Variants in VGLL1 observed in about 807,000 individuals in gnomAD.
VGLL1 encodes vestigial like family member 1.
In VGLL1, 4 loss-of-function variants were observed where a neutral mutation model predicts 12.0. The ratio of observed to expected loss-of-function variants is 0.33; its 90% CI spans 0.16 to 0.76. VGLL1 has a LOEUF of 0.76. Ranked by LOEUF, VGLL1 falls within the 30% of genes least tolerant of loss-of-function variation. The pLI is 0.60. For synonymous variants in VGLL1, 87 were observed against 81.2 expected (o/e 1.07, Z -0.39); for missense variants, 204 against 208.7 (o/e 0.98, Z 0.14).
chrX:136,551,684 T>A (rs1445019595), intron 4 of VGLL1, among the ~76,000 whole-genome samples: 1 of 111,821 alleles, frequency 8.9e-6, no homozygotes, highest in Non-Finnish European at 1.9e-5. Context: ...CTTAGAATAA[T>A]GGCTGGCACA....
intron 2 of VGLL1, among the ~76,000 whole-genome samples, chrX:136,539,862 C>A (rs1014282989): frequency 9.0e-6 from 1 of 111,633 alleles, no homozygotes; most frequent in African/African-American, 3.3e-5. Flanking sequence ...CTTAATTTCC[C>A]CCTCAACCTG....
intron 4 of VGLL1, among the ~76,000 whole-genome samples, chrX:136,554,571 A>G (rs1417529857): frequency 1.8e-5 from 2 of 111,662 alleles, no homozygotes; most frequent in Non-Finnish European, 3.8e-5. Context: ...CTTGCATCTG[A>G]TAAGATCACA....
At chrX:136,540,155 A>G (rs898604087) in intron 2 of VGLL1, among the ~76,000 whole-genome samples, 3 of 111,804 alleles carry the variant, frequency 2.7e-5, no homozygotes, top group Non-Finnish European at 1.9e-5. Context: ...TTAGGAGGGC[A>G]GTCAGAATGG....
chrX:136,548,705 G>C lies in VGLL1; in HGVS notation c.331G>C (p.Ala111Pro). 3 of 1,212,056 alleles carry C rather than the reference G, an allele frequency of 2.5e-6. No individual in the cohort carries two copies. The highest frequency in any genetic ancestry group is 2.2e-6 in the Non-Finnish European group (2 of 895,622). ...CAACTTGCATGTGCCTGGTCCCATG[G>C]CTGTGAATCAGTTCTCACCGTCCCT... The part of the protein sequence containing the change: ...NCNLHVPGPM[A>P]VNQFSPSLAR... The change falls in exon 3 of 5, where the codon GCT becomes CCT. Residue 111 changes from alanine (A) to proline (P), a missense_variant. By Grantham distance (27) the Ala-to-Pro change is conservative (BLOSUM62 -1). Transcript: ENST00000370634.
chrX:136,539,651 G>T (rs2075850341), intron 2 of VGLL1, among the ~76,000 whole-genome samples: 1 of 111,107 alleles, frequency 9.0e-6, no homozygotes, highest in Admixed American at 9.6e-5. Context: ...CAGGGCCCCA[G>T]TACTCAGGTC....
chrX:136,550,886 G>A lies in VGLL1; in HGVS notation c.688+65G>A, dbSNP rs73558572. On this transcript the variant is annotated intron_variant, in intron 4 of 4. Transcript: ENST00000370634. ...TCCTGAGAACGAACTTGAGAAATAA[G>A]GCTTCTGTCTACTACTGGAGACACT... 5.9e-3 allele frequency: 6,089 copies of A among 1,033,610 alleles called. 181 individuals are homozygous for A. In the African/African-American group the frequency reaches 0.094, roughly 16 times the overall value. 85.2% of individuals were successfully genotyped at this position (1,033,610 alleles called of 1,213,427 possible).
intron 2 of VGLL1, among the ~76,000 whole-genome samples, chrX:136,543,615 A>G (rs1295219375): frequency 1.8e-5 from 2 of 110,696 alleles, no homozygotes; most frequent in Non-Finnish European, 3.8e-5. Flanking sequence ...AAAATTGTCC[A>G]GGTGTGGTGG....
intron 4 of VGLL1, among the ~76,000 whole-genome samples, chrX:136,554,163 A>G (rs1298367992): frequency 9.0e-6 from 1 of 111,596 alleles, no homozygotes. Context: ...GCAAGTTATG[A>G]TAAGTGGAGT....
chrX:136,541,609 T>C lies in VGLL1; in HGVS notation c.214+5375T>C, dbSNP rs893216574. Among the ~76,000 whole-genome samples the C allele has an allele frequency of 6.3e-5, 7 of 111,999 alleles. No homozygotes were observed. In the East Asian group the frequency reaches 2.0e-3, roughly 32 times the overall value. On this transcript the variant is annotated intron_variant, in intron 2 of 4. Coordinates refer to ENST00000370634, the MANE Select transcript of VGLL1 (RefSeq NM_016267.4). Reference sequence around the variant, plus strand: ...GGGAAATCTTTCAAGTGGCCTTTCATTACTGACTGTTAGTATCCTCTCAAA... The same window carrying C: ...GGGAAATCTTTCAAGTGGCCTTTCACTACTGACTGTTAGTATCCTCTCAAA...
chrX:136,553,002 T>C (rs1448425878), intron 4 of VGLL1, among the ~76,000 whole-genome samples: 2 of 111,755 alleles, frequency 1.8e-5, no homozygotes, highest in Non-Finnish European at 3.8e-5. Context: ...TGTTCTTTCC[T>C]TGCAGAGAGT....
At chrX:136,536,278 C>T in intron 2 of VGLL1, 44 bp downstream of exon 2, 1 of 1,144,390 alleles carries the variant, frequency 8.7e-7, no homozygotes, top group African/African-American at 1.8e-5. Flanking sequence ...CCTATCAAGG[C>T]TGCCACGGAT....
rs767068356 is a variant in VGLL1 at position 136,548,855 on chromosome X, C to T, written c.481C>T (p.Pro161Ser). The T allele has an allele frequency of 3.3e-6, 4 of 1,210,611 alleles. No individual in the cohort carries two copies. The highest frequency in any genetic ancestry group is 4.5e-6 in the Non-Finnish European group (4 of 895,407). ...PARHLVPEPQ[P>S]DGKREPLLSL... Reference sequence around the variant, plus strand: ...TCGGCACCTGGTTCCAGAGCCCCAGCCTGATGGGAAACGTGAGCCTCTCCT... The same window carrying T: ...TCGGCACCTGGTTCCAGAGCCCCAGTCTGATGGGAAACGTGAGCCTCTCCT... Residue 161 changes from proline to serine, a missense_variant, in exon 3 of 5, where the codon CCT (proline) becomes TCT (serine). Transcript: ENST00000370634.
chrX:136,549,712 A>G (rs957507567), intron 3 of VGLL1, among the ~76,000 whole-genome samples: 1 of 111,539 alleles, frequency 9.0e-6, no homozygotes, highest in Non-Finnish European at 1.9e-5. Context: ...ACCAGATGCA[A>G]AATATCCATC....
chrX:136,556,541 C>T lies in VGLL1; in HGVS notation c.*2C>T. On this transcript the variant is annotated 3_prime_UTR_variant, in exon 5 of 5. Coordinates refer to ENST00000370634, the MANE Select transcript of VGLL1 (RefSeq NM_016267.4). ...CATCGATACCTGCAGCATCTTTAGT[C>T]AAGTTGGAGGAGAAAGACAACACTT... 1 of 1,204,914 alleles carries T rather than the reference C, an allele frequency of 8.3e-7. No homozygotes were observed. The highest frequency in any genetic ancestry group is 1.1e-6 in the Non-Finnish European group (1 of 889,547).
At chrX:136,555,218 A>G (rs1250242534) in intron 4 of VGLL1, among the ~76,000 whole-genome samples, 2 of 112,210 alleles carry the variant, frequency 1.8e-5, no homozygotes, top group Admixed American at 1.9e-4. Flanking sequence ...AAATAAGAGA[A>G]GGTCAAATAA....
intron 2 of VGLL1, among the ~76,000 whole-genome samples, chrX:136,539,993 G>A (rs1405322423): frequency 2.7e-5 from 3 of 111,249 alleles, no homozygotes; most frequent in Non-Finnish European, 5.7e-5. Context: ...AATTGTGTAG[G>A]TTCTATCTTC....
rs776482867 is a variant in VGLL1 at position 136,548,868 on chromosome X, G to C, written c.494G>C (p.Arg165Pro). 4 of 1,210,631 alleles carry C rather than the reference G, an allele frequency of 3.3e-6. No homozygotes were observed. Among genetic ancestry groups the C allele is most frequent in the Admixed American group, 4.4e-5 (2 of 45,889 alleles). Residue 165 changes from arginine to proline, a missense_variant, in exon 3 of 5, where the codon CGT (arginine) becomes CCT (proline). By Grantham distance (103) the Arg-to-Pro change is moderately radical. Transcript: ENST00000370634. Reference sequence around the variant, plus strand: ...CCAGAGCCCCAGCCTGATGGGAAACGTGAGCCTCTCCTAAGTCTCCTCCAG... The same window carrying C: ...CCAGAGCCCCAGCCTGATGGGAAACCTGAGCCTCTCCTAAGTCTCCTCCAG... ...LVPEPQPDGK[R>P]EPLLSLLQQD...
intron 1 of VGLL1, among the ~76,000 whole-genome samples, chrX:136,532,587 TTC>T (rs2148528353): frequency 2.6e-5 from 1 of 38,698 alleles, no homozygotes; most frequent in African/African-American, 9.6e-5. Flanking sequence ...CTTTCTTTCT[TTC>T]TTTCTTTCTT....
At chrX:136,543,000 A>T (rs754223447) in intron 2 of VGLL1, among the ~76,000 whole-genome samples, 1 of 111,917 alleles carries the variant, frequency 8.9e-6, no homozygotes, top group South Asian at 3.8e-4. Context: ...TGATGAGGAA[A>T]CTGAGGCTCA....
Sources: gnomAD v4.1 joint callset for allele counts (sites outside exome capture counted in the v4.1 genomes callset) on GRCh38, gnomAD v4.1.1 for gene constraint, MANE v1.5 for transcripts, NCBI Gene and HGNC (gene_info 2026-07-23, HGNC 2026-07-21) for gene names.